CLCN6: variants seen among roughly 807,000 people sequenced by gnomAD.
CLCN6 encodes H(+)/Cl(-) exchange transporter 6.
CLCN6 carries 70 observed loss-of-function variants against 109.8 expected under a neutral mutation model. The ratio of observed to expected loss-of-function variants is 0.64; its 90% CI spans 0.53 to 0.78. CLCN6 has a LOEUF of 0.78. CLCN6 is among the 30% of genes least tolerant of loss of function. The pLI is 0.00. For synonymous variants in CLCN6, 444 were observed against 447.8 expected (o/e 0.99, Z 0.11); for missense variants, 984 against 1,142.3 (o/e 0.86, Z 2.00).
chr1:11,816,791 A>ATG, intron 4 of CLCN6, 111 bp downstream of exon 4: 3 of 686,826 alleles, frequency 4.4e-6, no homozygotes, highest in Non-Finnish European at 7.1e-6. Context: ...CATTTATAAC[A>ATG]TTATAATGCA....
At chr1:11,833,819 T>G in intron 14 of CLCN6, 58 bp from the exon 15 acceptor site, 1 of 1,576,408 alleles carries the variant, frequency 6.3e-7, no homozygotes, top group Non-Finnish European at 8.6e-7. Context: ...GCCCGGTAGG[T>G]CTACTGGGCC....
intron 2 of CLCN6, among the ~76,000 whole-genome samples, chr1:11,808,582 A>G (rs761843736): frequency 6.6e-6 from 1 of 152,082 alleles, no homozygotes. Flanking sequence ...TGTAAATGTC[A>G]TATGTATTTT....
intron 2 of CLCN6, among the ~76,000 whole-genome samples, chr1:11,814,123 GA>G (rs1169907631): frequency 1.3e-5 from 2 of 152,160 alleles, no homozygotes; most frequent in African/African-American, 4.8e-5. Context: ...TGGCTGACTT[GA>G]AACTATTGTC....
intron 5 of CLCN6, among the ~76,000 whole-genome samples, chr1:11,821,030 C>G (rs1644734239): frequency 6.7e-6 from 1 of 149,404 alleles, no homozygotes; most frequent in South Asian, 2.1e-4. Context: ...GAGCCGAGAT[C>G]GCGCCATTGC....
intron 2 of CLCN6, among the ~76,000 whole-genome samples, chr1:11,808,084 C>G (rs541096772): frequency 6.6e-6 from 1 of 152,260 alleles, no homozygotes; most frequent in African/African-American, 2.4e-5. Context: ...TATGCAAAAA[C>G]AGAATAATCT....
intron 6 of CLCN6, 48 bp downstream of exon 6, chr1:11,822,849 C>T (rs778970248): frequency 3.3e-5 from 39 of 1,184,334 alleles, no homozygotes; most frequent in Admixed American, 1.5e-4. Context: ...TTTAGAGTCC[C>T]GCACTCCTTT....
chr1:11,842,902 A>G lies in CLCN6; in HGVS notation c.*2679A>G, dbSNP rs1044164463. ...CCCAAGGTGGCCTCGCCAGCCCTGC[A>G]GTATTGATGTGCAGTATTGCACCAC... On this transcript the variant is annotated 3_prime_UTR_variant, in exon 23 of 23. Transcript: ENST00000346436. 1 of 152,274 alleles carries G rather than the reference A, an allele frequency of 6.6e-6. No homozygotes were observed. The highest frequency in any genetic ancestry group is 2.4e-5 in the African/African-American group (1 of 41,476). The allele number at this position is 152,274 out of a possible 1,614,324, so 9.4% of individuals were successfully genotyped here.
chr1:11,814,660 A>G (rs1644645217), intron 2 of CLCN6, among the ~76,000 whole-genome samples: 1 of 152,156 alleles, frequency 6.6e-6, no homozygotes, highest in Non-Finnish European at 1.5e-5. Context: ...TTTGTGATGC[A>G]TGTTGTAAAG....
At chr1:11,838,720 T>C in intron 22 of CLCN6, 60 bp downstream of exon 22, 1 of 1,611,740 alleles carries the variant, frequency 6.2e-7, no homozygotes, top group South Asian at 1.1e-5. Flanking sequence ...CCAGGTGCTG[T>C]TTGTGCACCC....
At chr1:11,826,865 C>T (rs1281243212) in intron 9 of CLCN6, among the ~76,000 whole-genome samples, 1 of 152,090 alleles carries the variant, frequency 6.6e-6, no homozygotes, top group Non-Finnish European at 1.5e-5. Flanking sequence ...CTCCTGTTCC[C>T]AGGCAGAGTA....
chr1:11,827,469 T>C (rs558071527), intron 10 of CLCN6, among the ~76,000 whole-genome samples: 4 of 143,846 alleles, frequency 2.8e-5, no homozygotes, highest in Middle Eastern at 3.4e-3. Context: ...GGAGTCTTGC[T>C]CTGTTGCCCA....
intron 2 of CLCN6, 43 bp downstream of exon 2, chr1:11,807,233 G>A: frequency 3.2e-6 from 5 of 1,544,634 alleles, no homozygotes; most frequent in Non-Finnish European, 4.5e-6. Flanking sequence ...AGTAGTGAGT[G>A]GCCTGGTCAC....
At chr1:11,825,094 G>A (rs1390637137) in intron 8 of CLCN6, among the ~76,000 whole-genome samples, 1 of 152,158 alleles carries the variant, frequency 6.6e-6, no homozygotes, top group East Asian at 1.9e-4. Flanking sequence ...AGAGGTTGAG[G>A]TACTAGCTCG....
chr1:11,814,869 A>G (rs981551162), intron 2 of CLCN6, among the ~76,000 whole-genome samples: 6 of 151,932 alleles, frequency 3.9e-5, no homozygotes, highest in South Asian at 2.1e-4. Context: ...CGTCTCTACT[A>G]AAAATACAAA....
chr1:11,808,507 C>A (rs1404588603), intron 2 of CLCN6, among the ~76,000 whole-genome samples: 1 of 152,270 alleles, frequency 6.6e-6, no homozygotes, highest in Admixed American at 6.5e-5. Context: ...AATACTATTA[C>A]CACATCTAAA....
chr1:11,812,660 ATGTTTGTGTG>A (rs1362657503), intron 2 of CLCN6, among the ~76,000 whole-genome samples: 2 of 89,466 alleles, frequency 2.2e-5, no homozygotes, highest in Non-Finnish European at 4.6e-5. Context: ...AAGACAAAGT[ATGTTTGTGTG>A]TGTGTGTGTG....
rs1163853318 is a variant in CLCN6, at chr1:11,836,098, A to C, written c.1925A>C (p.Asn642Thr). The C allele has an allele frequency of 2.5e-6, 4 of 1,614,010 alleles. No homozygotes were observed. Among genetic ancestry groups the C allele is most frequent in the Non-Finnish European group, 3.4e-6 (4 of 1,179,970 alleles). The change falls in exon 18 of 23, where the codon AAC (asparagine) becomes ACC (threonine). Residue 642 changes from asparagine (N) to threonine (T), a missense_variant. By Grantham distance (65) the Asn-to-Thr change is moderately conservative (BLOSUM62 0). Transcript: ENST00000346436. The stretch of plus-strand genomic sequence containing the variant: ...CCGGTGGTCACAGAGAACCGCGGTA[A>C]CGAGAAGGAGTTCATGAAGGGCAAC... ...AFPVVTENRG[N>T]EKEFMKGNQL...
At chr1:11,821,513 AAC>A (rs1166771382) in intron 5 of CLCN6, among the ~76,000 whole-genome samples, 1 of 152,152 alleles carries the variant, frequency 6.6e-6, no homozygotes, top group Non-Finnish European at 1.5e-5. Context: ...CCGAGATTGC[AAC>A]ACTGTACTCC....
intron 13 of CLCN6, among the ~76,000 whole-genome samples, chr1:11,830,807 CACACACAA>C: frequency 7.4e-6 from 1 of 135,028 alleles, no homozygotes; most frequent in Non-Finnish European, 1.6e-5. Flanking sequence ...CACACACACA[CACACACAA>C]ACACACATTA....
Sources: gnomAD v4.1 joint callset for allele counts (sites outside exome capture counted in the v4.1 genomes callset) on GRCh38, gnomAD v4.1.1 for gene constraint, MANE v1.5 for transcripts, NCBI Gene and HGNC (gene_info 2026-07-23, HGNC 2026-07-21) for gene names.